Variants in DLGAP4 observed in about 807,000 individuals in gnomAD.
DLGAP4 encodes DLG associated protein 4, also known as disks large-associated protein 4.
Under a neutral mutation model 86.9 loss-of-function variants are expected in DLGAP4, and 18 were observed. The observed-to-expected ratio is 0.21, with a 90% confidence interval of 0.14 to 0.31. The LOEUF is 0.31. DLGAP4 is among the 10% of genes least tolerant of loss of function. The pLI, the probability that DLGAP4 is intolerant of heterozygous loss-of-function variation, is 1.00. For synonymous variants in DLGAP4, 548 were observed against 574.3 expected (o/e 0.95, Z 0.65); for missense variants, 1,085 against 1,362.6 (o/e 0.80, Z 3.21).
intron 2 of DLGAP4, among the ~76,000 whole-genome samples, chr20:36,405,814 C>T (rs1014125929): frequency 2.5e-4 from 38 of 152,078 alleles, no homozygotes; most frequent in African/African-American, 9.2e-4. Context: ...CATCCAGGCC[C>T]ACATGGACTC....
chr20:36,511,538 C>A (rs1213060662), intron 10 of DLGAP4, among the ~76,000 whole-genome samples: 2 of 152,032 alleles, frequency 1.3e-5, no homozygotes, highest in Admixed American at 6.6e-5. Flanking sequence ...TTCCTTAGTA[C>A]TTTCTAGTAG....
In DLGAP4 at chr20:36,432,837, C is replaced by T; in HGVS notation, c.999+121C>T. 1.5e-6 allele frequency: 2 copies of T among 1,305,638 alleles called. No individual in the cohort carries two copies. Among genetic ancestry groups the T allele is most frequent in the South Asian group, 2.9e-5 (2 of 68,592 alleles). 80.9% of individuals were successfully genotyped at this position (1,305,638 alleles called of 1,614,324 possible). On this transcript the variant is annotated intron_variant, in intron 3 of 12. Coordinates refer to ENST00000339266, the MANE Select transcript of DLGAP4 (RefSeq NM_001365621.2). The surrounding 1 kb of genome is among the most constrained non-coding windows in gnomAD (Gnocchi z 6.5). ...TTCATTCTGGGCCTCTGTGGCTCAG[C>T]TATAAAATGGGTGGCCTAGTGGTAC...
chr20:36,480,701 C>A (rs887230072), intron 7 of DLGAP4, among the ~76,000 whole-genome samples: 2 of 151,984 alleles, frequency 1.3e-5, no homozygotes, highest in African/African-American at 4.8e-5. Flanking sequence ...CAGAGTGAAA[C>A]CCTGTCTCTA....
At chr20:36,436,019 A>C in intron 3 of DLGAP4, 90 bp from the exon 4 acceptor site, 2 of 1,437,426 alleles carry the variant, frequency 1.4e-6, no homozygotes, top group Non-Finnish European at 1.8e-6. Flanking sequence ...TCTGCAGGGA[A>C]CGAGGGAGCT....
chr20:36,443,599 C>A (rs2033510517), intron 6 of DLGAP4, among the ~76,000 whole-genome samples: 1 of 152,164 alleles, frequency 6.6e-6, no homozygotes, highest in Admixed American at 6.5e-5. Flanking sequence ...AAAGAGCCCA[C>A]AGTGGGCCAA....
intron 10 of DLGAP4, among the ~76,000 whole-genome samples, chr20:36,506,365 T>C (rs2147793833): frequency 6.6e-6 from 1 of 152,362 alleles, no homozygotes; most frequent in South Asian, 2.1e-4. Flanking sequence ...CCTGTCTACC[T>C]GGGAGGGAAG....
At chr20:36,499,403 G>A in intron 8 of DLGAP4, 185 bp from the exon 9 acceptor site, 1 of 1,356,880 alleles carries the variant, frequency 7.4e-7, no homozygotes, top group Non-Finnish European at 9.9e-7. Flanking sequence ...CCACGCGAAT[G>A]AGCAGTGCCC....
rs1205942069 is a variant in DLGAP4 at position 36,527,026 on chromosome 20, C to T, written c.2974C>T (p.Leu992Phe). ...EIYVPEAQTR[L>F] ...TTATGTCCCGGAGGCCCAGACCAGG[C>T]TCTGAGACCATGCAGGAGGAAAGAA... The change falls in exon 13 of 13, where the codon CTC becomes TTC. Residue 992 changes from leucine to phenylalanine, a missense_variant. Coordinates refer to ENST00000339266, the MANE Select transcript of DLGAP4 (RefSeq NM_001365621.2). 1 of 1,590,974 alleles carries T rather than the reference C, an allele frequency of 6.3e-7. No homozygotes were observed. Among genetic ancestry groups the T allele is most frequent in the African/African-American group, 1.4e-5 (1 of 73,136 alleles).
In DLGAP4 at chr20:36,432,737, G is replaced by C; in HGVS notation, c.999+21G>C. The C allele has an allele frequency of 7.5e-6, 12 of 1,610,402 alleles. No individual in the cohort carries two copies. Among genetic ancestry groups the C allele is most frequent in the Non-Finnish European group, 1.0e-5 (12 of 1,178,536 alleles). Reference sequence around the variant, plus strand: ...TGCAGGTGGGTCTCTGGCAGGGTCAGGGGTGGGATGAGGGCTCTGGGGACG... The same window carrying C: ...TGCAGGTGGGTCTCTGGCAGGGTCACGGGTGGGATGAGGGCTCTGGGGACG... On this transcript the variant is annotated intron_variant, in intron 3 of 12. Coordinates refer to ENST00000339266, the MANE Select transcript of DLGAP4 (RefSeq NM_001365621.2). This position sits in a 1 kb window ranked among gnomAD's most constrained non-coding sequence, Gnocchi z 6.5.
intron 6 of DLGAP4, 84 bp from the exon 7 acceptor site, chr20:36,446,613 C>A: frequency 7.3e-7 from 1 of 1,366,842 alleles, no homozygotes; most frequent in Non-Finnish European, 1.0e-6. Context: ...CTGTCCAGCC[C>A]TGCCCTGAGC....
chr20:36,448,353 A>G (rs967310642), intron 7 of DLGAP4, among the ~76,000 whole-genome samples: 28 of 152,096 alleles, frequency 1.8e-4, no homozygotes, highest in Non-Finnish European at 3.8e-4. Context: ...TTGTCTCAAA[A>G]TAATAATAAT....
Position 36,379,458 on chromosome 20 carries a change from A to G in DLGAP4, c.-73+12183A>G, listed in dbSNP as rs77614204. 9.6e-3 allele frequency among the ~76,000 whole-genome samples: 1,458 copies of G among 152,346 alleles called. 21 individuals are homozygous for G. The highest frequency in any genetic ancestry group is 0.032 in the African/African-American group (1,324 of 41,580). On this transcript the variant is annotated intron_variant, in intron 2 of 12. Coordinates refer to ENST00000339266, the MANE Select transcript of DLGAP4 (RefSeq NM_001365621.2). Reference sequence around the variant, plus strand: ...AGTGGATGAGCAGAGAGCATCTCACAGGGTCAGGCTCTGAGCGGAATCCTG... The same window carrying G: ...AGTGGATGAGCAGAGAGCATCTCACGGGGTCAGGCTCTGAGCGGAATCCTG...
At chr20:36,412,702 G>C (rs2032534170) in intron 2 of DLGAP4, among the ~76,000 whole-genome samples, 1 of 152,186 alleles carries the variant, frequency 6.6e-6, no homozygotes, top group African/African-American at 2.4e-5. Context: ...TGATCAGTAA[G>C]CTCTGAAAAG....
At chr20:36,345,552 T>C (rs782660538) in intron 1 of DLGAP4, among the ~76,000 whole-genome samples, 3 of 152,220 alleles carry the variant, frequency 2.0e-5, no homozygotes, top group Non-Finnish European at 4.4e-5. Flanking sequence ...GGCATCTGCA[T>C]CCCAGGCTTG....
chr20:36,513,514 G>C (rs1334554856), intron 10 of DLGAP4, among the ~76,000 whole-genome samples: 2 of 138,356 alleles, frequency 1.4e-5, no homozygotes, highest in Non-Finnish European at 3.0e-5. Flanking sequence ...CGCCACTGCA[G>C]TCCGCAATCC....
intron 1 of DLGAP4, among the ~76,000 whole-genome samples, chr20:36,312,375 GCACACACACACACA>G (rs1156971493): frequency 6.8e-6 from 1 of 148,044 alleles, no homozygotes; most frequent in African/African-American, 2.6e-5. Flanking sequence ...GCGAACACAC[GCACACACACACACA>G]CACACACACA....
intron 1 of DLGAP4, among the ~76,000 whole-genome samples, chr20:36,335,892 C>A (rs1392466059): frequency 1.3e-5 from 2 of 152,150 alleles, no homozygotes; most frequent in Non-Finnish European, 2.9e-5. Flanking sequence ...CCTGTAATGA[C>A]TTGTTGACTC....
rs1347002160 is a variant in DLGAP4, at chr20:36,308,201, G to A, written c.-304+1689G>A. ...TGTGTCCTCCAGGAGCTGGGACAGC[G>A]CAACTCAACTTCTGGGAGTGTGCCC... On this transcript the variant is annotated intron_variant, in intron 1 of 12. Transcript: ENST00000339266. This position sits in a 1 kb window ranked among gnomAD's most constrained non-coding sequence, Gnocchi z 4.5. 7.9e-5 allele frequency among the ~76,000 whole-genome samples: 12 copies of A among 152,344 alleles called. No individual in the cohort carries two copies. Among genetic ancestry groups the A allele is most frequent in the Middle Eastern group, 6.8e-3 (2 of 294 alleles).
In DLGAP4 at chr20:36,462,706, G is replaced by A. The variant is rs1303934328; in HGVS notation, c.1648+15769G>A. On this transcript the variant is annotated intron_variant, in intron 7 of 12. Transcript: ENST00000339266. The stretch of plus-strand genomic sequence containing the variant: ...GCAAGGGCTGGCGCTAGGGCAAGGG[G>A]GCTCTGAGGCCTCCCACAAAGGGGG... The A allele has an allele frequency of 2.8e-6, 4 of 1,409,622 alleles. No homozygotes were observed. In the African/African-American group the frequency reaches 6.0e-5, roughly 21 times the overall value. 87.3% of individuals were successfully genotyped at this position (1,409,622 alleles called of 1,614,324 possible).
Sources: allele counts gnomAD v4.1 joint callset (sites outside exome capture counted in the v4.1 genomes callset), GRCh38; gene constraint gnomAD v4.1.1; non-coding constraint Gnocchi (gnomAD v3.1); transcripts MANE v1.5; gene names NCBI Gene and HGNC (gene_info 2026-07-23, HGNC 2026-07-21).